PDE3B: variants seen among roughly 807,000 people sequenced by gnomAD.
PDE3B encodes cGMP-inhibited 3',5'-cyclic phosphodiesterase 3B.
PDE3B carries 66 observed loss-of-function variants against 116.8 expected under a neutral mutation model. That is an observed-to-expected ratio of 0.56 (90% CI 0.46 to 0.69). PDE3B has a LOEUF of 0.69. Among genes scored for constraint, PDE3B ranks in the 30% least tolerant of loss-of-function variants. PDE3B has a pLI of 0.00. For synonymous variants in PDE3B, 595 were observed against 533.6 expected, an observed-to-expected ratio of 1.12 and a Z score of -1.59; for missense variants, 1,384 against 1,368.1, an observed-to-expected ratio of 1.01 and a Z score of -0.18.
chr11:14,843,841 A>G lies in PDE3B; in HGVS notation c.2335A>G (p.Ile779Val). The change falls in exon 12 of 16, where the codon ATT (isoleucine) becomes GTT (valine). Residue 779 changes from isoleucine (I) to valine (V), a missense_variant. Transcript: ENST00000282096. ...TTGTTTCTCAGATTCTGATGGTAGA[A>G]TTAACCATGGGCGAATTGCTTATAT... is the stretch of plus-strand genomic sequence containing the variant. Reference protein sequence around the residue: ...TGNETDSDGRINHGRIAYISS... With the variant: ...TGNETDSDGRVNHGRIAYISS... 1 of 1,613,716 alleles carries G rather than the reference A, an allele frequency of 6.2e-7. No homozygotes were observed. Among genetic ancestry groups the G allele is most frequent in the Non-Finnish European group, 8.5e-7 (1 of 1,179,606 alleles).
intron 1 of PDE3B, among the ~76,000 whole-genome samples, chr11:14,764,344 G>A (rs1349263259): frequency 6.6e-6 from 1 of 152,056 alleles, no homozygotes; most frequent in Non-Finnish European, 1.5e-5. Context: ...GGCTTCTTAG[G>A]TGTTGCAGAA....
chr11:14,897,085 A>C, the PDE3B span, among the ~76,000 whole-genome samples: 1 of 152,256 alleles, frequency 6.6e-6, no homozygotes, highest in Non-Finnish European at 1.5e-5. Flanking sequence ...CATCATGTGT[A>C]TGACAACAGA....
chr11:14,728,034 A>G (rs531711279), intron 1 of PDE3B, among the ~76,000 whole-genome samples: 1 of 152,078 alleles, frequency 6.6e-6, no homozygotes, highest in Non-Finnish European at 1.5e-5. Flanking sequence ...TCTTACATTT[A>G]TCTATTATAG....
At chr11:14,705,651 G>A (rs1342519663) in intron 1 of PDE3B, among the ~76,000 whole-genome samples, 1 of 151,766 alleles carries the variant, frequency 6.6e-6, no homozygotes, top group Non-Finnish European at 1.5e-5. Flanking sequence ...CAAGTTTGAC[G>A]AAGGAACTTA....
chr11:14,860,275 CA>C (rs1238226014), intron 13 of PDE3B, among the ~76,000 whole-genome samples: 2 of 151,952 alleles, frequency 1.3e-5, no homozygotes, highest in Non-Finnish European at 2.9e-5. Context: ...TGAAGTCTCT[CA>C]AAAAAATGCC....
chr11:14,644,915 T>G lies in PDE3B; in HGVS notation c.840T>G (p.Ser280Arg), dbSNP rs1187997485. ...REAPLHPRLSSAAEEKVPVIR... is the reference protein window; with the variant it reads ...REAPLHPRLSRAAEEKVPVIR... Reference sequence around the variant, plus strand: ...CGCCTCTTCATCCTCGACTGTCCAGTGCCGCCGAAGAAAAAGTGCCTGTGA... The same window carrying G: ...CGCCTCTTCATCCTCGACTGTCCAGGGCCGCCGAAGAAAAAGTGCCTGTGA... The change falls in exon 1 of 16, where the codon AGT (serine) becomes AGG (arginine). Residue 280 changes from serine (S) to arginine (R), a missense_variant. Ser to Arg is a moderately radical substitution (Grantham distance 110). Coordinates refer to ENST00000282096, the MANE Select transcript of PDE3B (RefSeq NM_000922.4). 1 of 1,614,088 alleles carries G rather than the reference T, an allele frequency of 6.2e-7. No individual in the cohort carries two copies. Among genetic ancestry groups the G allele is most frequent in the African/African-American group, 1.3e-5 (1 of 75,018 alleles).
chr11:14,708,232 T>A (rs538768730), intron 1 of PDE3B, among the ~76,000 whole-genome samples: 140 of 152,164 alleles, frequency 9.2e-4, no homozygotes, highest in Admixed American at 1.9e-3. Context: ...TTGCTTCTTT[T>A]TTTGTCATGT....
At chr11:14,663,913 G>A (rs1438823660) in intron 1 of PDE3B, among the ~76,000 whole-genome samples, 1 of 152,092 alleles carries the variant, frequency 6.6e-6, no homozygotes, top group African/African-American at 2.4e-5. Flanking sequence ...GCACCAAGCG[G>A]ACCTAATAGA....
chr11:14,655,041 A>T (rs980015298), intron 1 of PDE3B, among the ~76,000 whole-genome samples: 9 of 152,208 alleles, frequency 5.9e-5, no homozygotes, highest in Admixed American at 5.9e-4. Flanking sequence ...CACGAATCAC[A>T]ATAAATATAG....
At chr11:14,664,360 G>C (rs1486712331) in intron 1 of PDE3B, among the ~76,000 whole-genome samples, 1 of 152,020 alleles carries the variant, frequency 6.6e-6, no homozygotes, top group Non-Finnish European at 1.5e-5. Context: ...AAAAGAACTA[G>C]AAAAGCAAGA....
At chr11:14,763,741 T>C (rs1388739269) in intron 1 of PDE3B, among the ~76,000 whole-genome samples, 2 of 152,114 alleles carry the variant, frequency 1.3e-5, no homozygotes, top group Admixed American at 1.3e-4. Context: ...TAGAAGGTAA[T>C]ATGATGATTT....
intron 1 of PDE3B, among the ~76,000 whole-genome samples, chr11:14,743,605 G>T (rs181740215): frequency 6.6e-6 from 1 of 152,196 alleles, no homozygotes; most frequent in African/African-American, 2.4e-5. Context: ...TGCCACTGGG[G>T]TATGAAAAGA....
intron 2 of PDE3B, among the ~76,000 whole-genome samples, chr11:14,781,349 A>G (rs565379146): frequency 5.9e-5 from 9 of 152,334 alleles, no homozygotes; most frequent in Middle Eastern, 3.4e-3. Context: ...AGCCTGCCAG[A>G]GACACAACAA....
chr11:14,794,272 T>C (rs1354470554), intron 4 of PDE3B, among the ~76,000 whole-genome samples: 1 of 151,998 alleles, frequency 6.6e-6, no homozygotes, highest in Non-Finnish European at 1.5e-5. Flanking sequence ...AATTCTGTAG[T>C]AGACATAAGC....
intron 5 of PDE3B, among the ~76,000 whole-genome samples, chr11:14,810,617 G>A (rs540954596): frequency 2.9e-3 from 441 of 150,556 alleles, no homozygotes; most frequent in Admixed American, 5.2e-3. Flanking sequence ...GAATAATGCC[G>A]CAATAAACAT....
Position 14,644,455 on chromosome 11 carries a change from G to T in PDE3B, c.380G>T (p.Cys127Phe). The T allele has an allele frequency of 4.3e-6, 7 of 1,613,232 alleles. No individual in the cohort carries two copies. The highest frequency in any genetic ancestry group is 5.9e-6 in the Non-Finnish European group (7 of 1,179,706). ...HSLSPLFSIA[C>F]AFFFLTCFLT... ...TTGAGCCCCCTCTTCAGCATCGCCT[G>T]TGCCTTCTTCTTCCTCACCTGCTTC... Residue 127 changes from cysteine to phenylalanine, a missense_variant, in exon 1 of 16, where the codon TGT becomes TTT. Coordinates refer to ENST00000282096, the MANE Select transcript of PDE3B (RefSeq NM_000922.4).
chr11:14,884,708 AAAAG>A, the PDE3B span, among the ~76,000 whole-genome samples: 11 of 152,146 alleles, frequency 7.2e-5, no homozygotes, highest in East Asian at 1.9e-4. Context: ...AAAAATTAAA[AAAAG>A]AAATAAAAAA....
At chr11:14,733,506 A>G (rs926099566) in intron 1 of PDE3B, among the ~76,000 whole-genome samples, 9 of 152,184 alleles carry the variant, frequency 5.9e-5, no homozygotes, top group African/African-American at 2.2e-4. Flanking sequence ...GAATGCTACC[A>G]TAGTGATTTT....
chr11:14,694,357 C>T (rs754772519), intron 1 of PDE3B, among the ~76,000 whole-genome samples: 5 of 152,030 alleles, frequency 3.3e-5, no homozygotes, highest in South Asian at 2.1e-4. Flanking sequence ...AAGTTCTTCC[C>T]GAAAGGAAGA....
Sources: gnomAD v4.1 joint callset for allele counts (sites outside exome capture counted in the v4.1 genomes callset) on GRCh38, gnomAD v4.1.1 for gene constraint, MANE v1.5 for transcripts, NCBI Gene and HGNC (gene_info 2026-07-23, HGNC 2026-07-21) for gene names.